Variants in ENTREP2 observed in about 807,000 individuals in gnomAD.
ENTREP2 encodes protein ENTREP2.
the ENTREP2 span, among the ~76,000 whole-genome samples, chr15:29,296,295 T>C: frequency 2.0e-5 from 3 of 152,232 alleles, no homozygotes; most frequent in Admixed American, 2.0e-4. Flanking sequence ...TGATGAGAAA[T>C]AGTTACATTC....
the ENTREP2 span, among the ~76,000 whole-genome samples, chr15:29,179,078 T>C: frequency 2.6e-5 from 4 of 152,244 alleles, no homozygotes; most frequent in Non-Finnish European, 5.9e-5. Context: ...ATGGGAACCA[T>C]TCTTCTCTCG....
the ENTREP2 span, chr15:29,613,977 C>A: frequency 6.5e-6 from 1 of 154,242 alleles, no homozygotes; most frequent in South Asian, 1.9e-4. Context: ...TGAAGGAAGT[C>A]AATGAGCAGA....
At chr15:29,443,573 T>A in the ENTREP2 span, among the ~76,000 whole-genome samples, 146 of 152,198 alleles carry the variant, frequency 9.6e-4, no homozygotes, top group African/African-American at 3.4e-3. Context: ...CATGAGGGTG[T>A]GCCCCAAGAA....
At chr15:29,564,046 T>G in the ENTREP2 span, among the ~76,000 whole-genome samples, 1 of 152,186 alleles carries the variant, frequency 6.6e-6, no homozygotes, top group Non-Finnish European at 1.5e-5. Context: ...ATTCCTTTTT[T>G]GTTGTCCATG....
the ENTREP2 span, among the ~76,000 whole-genome samples, chr15:29,212,946 C>G: frequency 1.6e-4 from 25 of 152,316 alleles, no homozygotes; most frequent in East Asian, 4.8e-3. Flanking sequence ...AGTCTTTAAT[C>G]CATCTTGAAT....
chr15:29,128,684 G>A, the ENTREP2 span: 1 of 874,744 alleles, frequency 1.1e-6, no homozygotes, highest in Non-Finnish European at 1.9e-6. Context: ...GGAGGGAGGA[G>A]GAGGAAAAAG....
At chr15:29,169,354 C>A in the ENTREP2 span, among the ~76,000 whole-genome samples, 10 of 152,032 alleles carry the variant, frequency 6.6e-5, no homozygotes, top group African/African-American at 2.4e-4. Context: ...CAAAATGTAC[C>A]CTAAATCTAC....
At chr15:29,238,210 T>C in the ENTREP2 span, among the ~76,000 whole-genome samples, 1 of 151,840 alleles carries the variant, frequency 6.6e-6, no homozygotes, top group Middle Eastern at 3.4e-3. Flanking sequence ...GGAAGGAGAG[T>C]GAGAGCTAAA....
the ENTREP2 span, among the ~76,000 whole-genome samples, chr15:29,656,278 T>G: frequency 6.6e-6 from 1 of 151,494 alleles, no homozygotes. Flanking sequence ...CAAGCTGGAG[T>G]GCAGTAGCAC....
the ENTREP2 span, among the ~76,000 whole-genome samples, chr15:29,484,564 C>T: frequency 6.6e-6 from 1 of 152,170 alleles, no homozygotes; most frequent in Non-Finnish European, 1.5e-5. Flanking sequence ...TGTACACACA[C>T]ACACGCACAG....
the ENTREP2 span, among the ~76,000 whole-genome samples, chr15:29,293,556 A>T: frequency 6.6e-5 from 10 of 151,952 alleles, no homozygotes; most frequent in Admixed American, 5.2e-4. Context: ...GCGCCCGGCC[A>T]AATTTATTGA....
At chr15:29,449,100 A>G in the ENTREP2 span, among the ~76,000 whole-genome samples, 1 of 152,226 alleles carries the variant, frequency 6.6e-6, no homozygotes, top group African/African-American at 2.4e-5. Context: ...GGTCTGAATG[A>G]GAAAGAAAGA....
chr15:29,545,115 C>T, the ENTREP2 span, among the ~76,000 whole-genome samples: 3 of 152,152 alleles, frequency 2.0e-5, no homozygotes, highest in Non-Finnish European at 4.4e-5. Flanking sequence ...ATAAAATGTT[C>T]GAAGTCAGGA....
the ENTREP2 span, among the ~76,000 whole-genome samples, chr15:29,538,160 C>G: frequency 6.6e-6 from 1 of 152,124 alleles, no homozygotes; most frequent in African/African-American, 2.4e-5. Context: ...GGGATAGGGT[C>G]TGCCACATGC....
the ENTREP2 span, among the ~76,000 whole-genome samples, chr15:29,632,029 C>T: frequency 4.6e-5 from 7 of 152,226 alleles, no homozygotes; most frequent in African/African-American, 1.4e-4. Flanking sequence ...GACTTCCGTC[C>T]TGTGGGCTGC....
chr15:29,295,821 G>A, the ENTREP2 span, among the ~76,000 whole-genome samples: 1 of 152,134 alleles, frequency 6.6e-6, no homozygotes, highest in African/African-American at 2.4e-5. Context: ...TTTATCCTGC[G>A]ACTCAGAACA....
At chr15:29,338,772 C>T in the ENTREP2 span, among the ~76,000 whole-genome samples, 8 of 152,142 alleles carry the variant, frequency 5.3e-5, no homozygotes, top group African/African-American at 1.9e-4. Flanking sequence ...AAATATTATG[C>T]CTTTCTTTTT....
the ENTREP2 span, among the ~76,000 whole-genome samples, chr15:29,647,175 G>C: frequency 6.6e-6 from 1 of 152,166 alleles, no homozygotes; most frequent in African/African-American, 2.4e-5. Flanking sequence ...CTGGTACATT[G>C]CAATTTATGA....
the ENTREP2 span, among the ~76,000 whole-genome samples, chr15:29,466,687 G>A: frequency 1.8e-5 from 2 of 108,628 alleles, no homozygotes; most frequent in South Asian, 3.3e-4. Flanking sequence ...GGGAGGGCCC[G>A]GGGAGGATGC....
Sources: gnomAD v4.1 joint callset for allele counts (sites outside exome capture counted in the v4.1 genomes callset) on GRCh38, gnomAD v4.1.1 for gene constraint, MANE v1.5 for transcripts, NCBI Gene and HGNC (gene_info 2026-07-23, HGNC 2026-07-21) for gene names.